CENPE: variants seen among roughly 807,000 people sequenced by gnomAD.
CENPE encodes the protein centromere protein E.
Under a neutral mutation model 336.1 loss-of-function variants are expected in CENPE, and 145 were observed. That is an observed-to-expected ratio of 0.43 (90% CI 0.38 to 0.50). CENPE has a LOEUF of 0.50. Among genes scored for constraint, CENPE ranks in the 20% least tolerant of loss-of-function variants. The pLI is 0.00. For missense variants in CENPE, 2,719 were observed against 3,023.3 expected (o/e 0.90, Z 2.36); for synonymous variants, 1,013 against 984.8 (o/e 1.03, Z -0.54).
intron 16 of CENPE, among the ~76,000 whole-genome samples, chr4:103,166,623 G>A (rs961797729): frequency 6.6e-6 from 1 of 152,168 alleles, no homozygotes; most frequent in East Asian, 1.9e-4. Context: ...AAAATGAAAA[G>A]AGGTTGAGAA....
intron 16 of CENPE, among the ~76,000 whole-genome samples, chr4:103,170,956 T>A (rs973785974): frequency 6.6e-6 from 1 of 152,192 alleles, no homozygotes; most frequent in Admixed American, 6.5e-5. Flanking sequence ...TACATAATGA[T>A]AAAGGGGTCA....
intron 48 of CENPE, 52 bp from the exon 49 acceptor site, chr4:103,106,368 A>G: frequency 7.2e-7 from 1 of 1,391,406 alleles, no homozygotes; most frequent in South Asian, 1.3e-5. Flanking sequence ...ATACACAAAA[A>G]CCAAGCACAG....
intron 35 of CENPE, 95 bp from the exon 36 acceptor site, chr4:103,141,199 A>T: frequency 1.4e-6 from 1 of 708,690 alleles, no homozygotes; most frequent in South Asian, 2.0e-5. Context: ...TACCCATGTT[A>T]CTCTCACTGA....
chr4:103,165,446 C>G (rs1278197841), intron 16 of CENPE, among the ~76,000 whole-genome samples: 1 of 152,076 alleles, frequency 6.6e-6, no homozygotes, highest in African/African-American at 2.4e-5. Flanking sequence ...TTATCTACAA[C>G]TTGGGTGATT....
chr4:103,145,334 T>G lies in CENPE; in HGVS notation c.4573A>C (p.Ile1525Leu). Residue 1525 changes from isoleucine (I) to leucine (L), a missense_variant and splice_region_variant, in exon 32 of 49, where the codon ATC (isoleucine) becomes CTC (leucine). Physicochemically the swap from Ile to Leu is conservative, Grantham distance 5 (BLOSUM62 2). Around this residue, in one of 5 missense-constraint regions of CENPE, gnomAD observed 2,437 missense variants for 2,513.3 expected, o/e 0.97. Coordinates refer to ENST00000265148, the MANE Select transcript of CENPE (RefSeq NM_001813.3). ...EAINDKLQNKIQEIYEKEEQF... is the reference protein window; with the variant it reads ...EAINDKLQNKLQEIYEKEEQF... ...TCCTCTTTCTCATAAATCTCTTGGA[T>G]CTTAAACATAATTATAAAATAAGTT... 6.6e-7 allele frequency: 1 copy of G among 1,508,622 alleles called. No homozygotes were observed. Among genetic ancestry groups the G allele is most frequent in the Non-Finnish European group, 9.1e-7 (1 of 1,098,420 alleles). 93.5% of individuals were successfully genotyped at this position (1,508,622 alleles called of 1,614,324 possible). A position where few individuals can be genotyped will look rare whatever the true frequency, so the allele number is the denominator to read the frequency against.
intron 8 of CENPE, among the ~76,000 whole-genome samples, chr4:103,193,130 G>C (rs1757493688): frequency 6.6e-6 from 1 of 151,994 alleles, no homozygotes; most frequent in African/African-American, 2.4e-5. Context: ...GGTTGGAACA[G>C]ATGGAACACA....
intron 24 of CENPE, among the ~76,000 whole-genome samples, chr4:103,156,782 G>A (rs1023305426): frequency 6.6e-6 from 1 of 151,982 alleles, no homozygotes; most frequent in Non-Finnish European, 1.5e-5. Flanking sequence ...AATCAACAGA[G>A]TAAAAAGACA....
chr4:103,160,176 T>G (rs1007378929), intron 21 of CENPE, among the ~76,000 whole-genome samples: 1 of 151,954 alleles, frequency 6.6e-6, no homozygotes, highest in African/African-American at 2.4e-5. Flanking sequence ...AAAGAAAAAC[T>G]GGCAGGCCAT....
chr4:103,110,928 C>G lies in CENPE; in HGVS notation c.7624G>C (p.Ala2542Pro). 6.2e-7 allele frequency: 1 copy of G among 1,611,894 alleles called. No homozygotes were observed. Among genetic ancestry groups the G allele is most frequent in the Non-Finnish European group, 8.5e-7 (1 of 1,178,894 alleles). ...GGSGIVQNTK[A>P]LILKSEHIRL... is the part of the protein sequence containing the mutation. ...ATATGTTCACTTTTCAAAATAAGAG[C>G]TTTTGTGTTTTGTACAATGCCGCTG... Residue 2542 changes from alanine (A) to proline (P), a missense_variant, in exon 47 of 49, where the codon GCT becomes CCT. Physicochemically the swap from Ala to Pro is conservative, Grantham distance 27 (BLOSUM62 -1). Around this residue, in one of 5 missense-constraint regions of CENPE, gnomAD observed 2,437 missense variants for 2,513.3 expected, o/e 0.97. Transcript: ENST00000265148.
At position 103,140,077 on chromosome 4, in the gene CENPE, G is replaced by A. The variant is rs768894400; in HGVS notation, c.5916C>T (p.Ile1972=). 136 of 1,594,994 alleles carry A rather than the reference G, an allele frequency of 8.5e-5. 5 individuals carry two copies. In the South Asian group the frequency reaches 1.5e-3, roughly 17 times the overall value. The change falls in exon 38 of 49, where the codon ATC becomes ATT. Residue 1972 remains isoleucine (I), a splice_region_variant and synonymous_variant. Coordinates refer to ENST00000265148, the MANE Select transcript of CENPE (RefSeq NM_001813.3). ...GAAGTTCTTTTTTCTGAAGTTCTTG[G>A]ATCTTGAGATAATTGTAAAACAAGT... ...DKSKDELQKK[I]QELQKKELQL... is the part of the protein sequence containing the mutation.
At chr4:103,131,027 T>C (rs1273609170) in intron 42 of CENPE, among the ~76,000 whole-genome samples, 1 of 152,114 alleles carries the variant, frequency 6.6e-6, no homozygotes, top group African/African-American at 2.4e-5. Flanking sequence ...CTAGATGATC[T>C]TGGGTTTGGT....
At chr4:103,154,406 AC>A (rs1753803626) in intron 24 of CENPE, among the ~76,000 whole-genome samples, 1 of 152,048 alleles carries the variant, frequency 6.6e-6, no homozygotes, top group African/African-American at 2.4e-5. Context: ...TTGTTATGTA[AC>A]CTACAAATAA....
rs1380504935 is a variant in CENPE, at chr4:103,149,405, G to T, written c.3400C>A (p.Gln1134Lys). 4 of 1,553,606 alleles carry T rather than the reference G, an allele frequency of 2.6e-6. No homozygotes were observed. The highest frequency in any genetic ancestry group is 2.6e-6 in the Non-Finnish European group (3 of 1,158,746). Residue 1134 changes from glutamine to lysine, a missense_variant, in exon 27 of 49, where the codon CAG becomes AAG. Transcript: ENST00000265148. ...TGTTGCTGTTTTTCTTGGAGTTGCT[G>T]GCTCTTAAAATGCACAATTTTTATA... ...EVEEKLKEKSQQLQEKQQQLL... is the reference protein window; with the variant it reads ...EVEEKLKEKSKQLQEKQQQLL...
rs769454513 is a variant in CENPE, at chr4:103,148,960, G to A, written c.3727C>T (p.His1243Tyr). ...ATAGTTTCTTGGTGTTCTTTTAGGT[G>A]AATATGAGCAATTTTTAGTTCTTCT... is the stretch of plus-strand genomic sequence containing the variant. ...TKEELKIAHI[H>Y]LKEHQETIDE... Residue 1243 changes from histidine to tyrosine, a missense_variant, in exon 28 of 49, where the codon CAC (histidine) becomes TAC (tyrosine). Physicochemically the swap from His to Tyr is moderately conservative, Grantham distance 83 (BLOSUM62 2). Coordinates refer to ENST00000265148, the MANE Select transcript of CENPE (RefSeq NM_001813.3). 2 of 1,613,586 alleles carry A rather than the reference G, an allele frequency of 1.2e-6. No individual in the cohort carries two copies. The highest frequency in any genetic ancestry group is 2.7e-5 in the African/African-American group (2 of 74,878).
At position 103,196,052 on chromosome 4, in the gene CENPE, AAC is replaced by A. The variant is rs759391004; in HGVS notation, c.239-16_239-15del. On this transcript the variant is annotated splice_polypyrimidine_tract_variant and intron_variant, in intron 3 of 48. Coordinates refer to ENST00000265148, the MANE Select transcript of CENPE (RefSeq NM_001813.3). The stretch of plus-strand genomic sequence containing the variant: ...CAAATATAGTACCTGCAAAAAACAA[AAC>A]ACACATACGCAAAGATTAAAAACAA... The A allele has an allele frequency of 1.9e-6, 3 of 1,601,424 alleles. No homozygotes were observed. The African/African-American group carries it at 4.0e-5, about 21-fold the overall frequency.
chr4:103,151,095 G>T, intron 26 of CENPE, 124 bp downstream of exon 26: 1 of 798,766 alleles, frequency 1.3e-6, no homozygotes, highest in Non-Finnish European at 2.0e-6. Context: ...CAAAATACTA[G>T]CATTGAAATA....
chr4:103,148,303 C>A (rs1753236236), intron 28 of CENPE, among the ~76,000 whole-genome samples: 1 of 152,154 alleles, frequency 6.6e-6, no homozygotes, highest in African/African-American at 2.4e-5. Flanking sequence ...AATGTATGAT[C>A]TCCATTTTCA....
At chr4:103,109,541 C>A (rs1749203277) in intron 47 of CENPE, among the ~76,000 whole-genome samples, 1 of 152,140 alleles carries the variant, frequency 6.6e-6, no homozygotes, top group South Asian at 2.1e-4. Context: ...GAGATGCCAC[C>A]AGCATTTATC....
At chr4:103,153,330 T>C in intron 24 of CENPE, 80 bp from the exon 25 acceptor site, 1 of 859,378 alleles carries the variant, frequency 1.2e-6, no homozygotes, top group African/African-American at 1.7e-5. Flanking sequence ...AGCCAACACA[T>C]CTATTATGTG....
Sources: gnomAD v4.1 joint callset for allele counts (sites outside exome capture counted in the v4.1 genomes callset) on GRCh38, gnomAD v4.1.1 for gene constraint, gnomAD v4.1.1 regional missense constraint, MANE v1.5 for transcripts, NCBI Gene and HGNC (gene_info 2026-07-23, HGNC 2026-07-21) for gene names.